Variants in PCDHA1 observed in about 807,000 individuals in gnomAD.
PCDHA1 encodes the protein protocadherin alpha 1.
Under a neutral mutation model 61.3 loss-of-function variants are expected in PCDHA1, and 42 were observed. That is an observed-to-expected ratio of 0.69 (90% CI 0.54 to 0.89). PCDHA1 has a LOEUF of 0.89. Ranked by LOEUF, PCDHA1 falls within the 40% of genes least tolerant of loss-of-function variation. The pLI, the probability that PCDHA1 is intolerant of heterozygous loss-of-function variation, is 0.00. For missense variants in PCDHA1, 1,256 were observed against 1,235.3 expected, an observed-to-expected ratio of 1.02 and a Z score of -0.25; for synonymous variants, 610 against 553.8, an observed-to-expected ratio of 1.10 and a Z score of -1.43.
intron 1 of PCDHA1, among the ~76,000 whole-genome samples, chr5:140,941,191 T>TTTCTTTCTTCCTTTCTTCC (rs1487503403): frequency 1.1e-5 from 1 of 93,258 alleles, no homozygotes; most frequent in African/African-American, 3.9e-5. Flanking sequence ...GCTTCTTTTT[T>TTTCTTTCTTCCTTTCTTCC]TTTCTTTCTT....
Position 140,857,156 on chromosome 5 carries a change from C to T in PCDHA1, c.2394+68472C>T, listed in dbSNP as rs782492965. The T allele has an allele frequency of 4.4e-5, 71 of 1,598,308 alleles. 2 individuals carry two copies. In the South Asian group the frequency reaches 7.7e-4, roughly 17 times the overall value. On this transcript the variant is annotated intron_variant, in intron 1 of 3. Transcript: ENST00000504120. ...TGCTCAAGTGGGCACCGTCATTGCC[C>T]TAATCAGCGTTTCTGACCATGATTC...
intron 1 of PCDHA1, chr5:140,796,927 G>C: frequency 6.2e-7 from 1 of 1,613,830 alleles, no homozygotes; most frequent in South Asian, 1.1e-5. Context: ...GAAGGACCAC[G>C]GCGAACCAGC....
intron 1 of PCDHA1, chr5:140,807,894 A>G (rs781785947): frequency 7.4e-6 from 12 of 1,614,012 alleles, no homozygotes; most frequent in Non-Finnish European, 1.0e-5. Context: ...CTGGATGCCA[A>G]TGACAATGCC....
intron 1 of PCDHA1, among the ~76,000 whole-genome samples, chr5:140,826,666 G>A (rs1554130619): frequency 6.6e-6 from 1 of 152,130 alleles, no homozygotes; most frequent in Non-Finnish European, 1.5e-5. Flanking sequence ...CAAGTAAATT[G>A]TAGACGTAAT....
chr5:140,979,615 A>G (rs965487699), intron 2 of PCDHA1, among the ~76,000 whole-genome samples: 1 of 152,258 alleles, frequency 6.6e-6, no homozygotes, highest in Non-Finnish European at 1.5e-5. Context: ...GAGTAACGGT[A>G]TTAGTCTAAG....
intron 1 of PCDHA1, chr5:140,804,151 A>G (rs1053300158): frequency 1.3e-5 from 2 of 152,448 alleles, no homozygotes; most frequent in African/African-American, 2.4e-5. Context: ...TGGAGTCTCA[A>G]TCCTTATTTT....
chr5:140,968,994 G>A lies in PCDHA1; in HGVS notation c.2395-9955G>A. 6.2e-7 allele frequency: 1 copy of A among 1,614,216 alleles called. No individual in the cohort carries two copies. The highest frequency in any genetic ancestry group is 8.5e-7 in the Non-Finnish European group (1 of 1,180,038). On this transcript the variant is annotated intron_variant, in intron 1 of 3. Transcript: ENST00000504120. ...ACTGCGTATGGCACTGCATGCTGTG[G>A]AGGCTTCTGTGGAGTAAGGGAAAGG...
At chr5:141,001,279 G>A (rs1317213469) in intron 3 of PCDHA1, among the ~76,000 whole-genome samples, 1 of 151,942 alleles carries the variant, frequency 6.6e-6, no homozygotes, top group African/African-American at 2.4e-5. Context: ...CTTTTTTTAC[G>A]GATGAAAACT....
intron 1 of PCDHA1, chr5:140,831,338 AATTT>A (rs1275067548): frequency 6.7e-6 from 1 of 149,500 alleles, no homozygotes; most frequent in East Asian, 2.0e-4. Context: ...TCTACACAGT[AATTT>A]AAACTATTCA....
chr5:140,852,121 TA>T, intron 1 of PCDHA1: 1 of 901,518 alleles, frequency 1.1e-6, no homozygotes, highest in Non-Finnish European at 1.4e-6. Context: ...ATGACCTAAT[TA>T]AAAACTCAGT....
intron 1 of PCDHA1, chr5:140,823,857 T>G (rs2150129771): frequency 6.2e-7 from 1 of 1,613,804 alleles, no homozygotes; most frequent in Admixed American, 1.7e-5. Context: ...CCCTGGTGGA[T>G]GTCAACGTGT....
At chr5:140,935,633 C>T (rs1316098876) in intron 1 of PCDHA1, among the ~76,000 whole-genome samples, 4 of 152,046 alleles carry the variant, frequency 2.6e-5, no homozygotes, top group African/African-American at 7.2e-5. Context: ...AAATTTAGGG[C>T]TTGCTTTTTA....
chr5:140,803,539 T>C (rs782740421), intron 1 of PCDHA1: 4 of 1,614,214 alleles, frequency 2.5e-6, no homozygotes, highest in East Asian at 2.2e-5. Context: ...CCTTGTCCAA[T>C]TAGCCGGGAT....
intron 1 of PCDHA1, among the ~76,000 whole-genome samples, chr5:140,948,446 G>A (rs1445406552): frequency 6.6e-6 from 1 of 151,446 alleles, no homozygotes; most frequent in Non-Finnish European, 1.5e-5. Flanking sequence ...CTGTGCCAGG[G>A]ATTTTCTTTT....
At chr5:140,790,494 C>G (rs1287765893) in intron 1 of PCDHA1, among the ~76,000 whole-genome samples, 2 of 152,170 alleles carry the variant, frequency 1.3e-5, no homozygotes, top group Non-Finnish European at 2.9e-5. Context: ...AAAAAATAGG[C>G]TGTAAACATG....
At chr5:140,869,765 A>G in intron 1 of PCDHA1, 1 of 1,613,282 alleles carries the variant, frequency 6.2e-7, no homozygotes, top group Non-Finnish European at 8.5e-7. Context: ...GGAAAACCAG[A>G]GCTTACTGGC....
chr5:140,863,469 G>T, intron 1 of PCDHA1: 3 of 498,172 alleles, frequency 6.0e-6, no homozygotes, highest in South Asian at 4.7e-5. Context: ...TTACTCTGGA[G>T]AGTCGCCTCC....
At chr5:140,821,920 C>A (rs1554128324) in intron 1 of PCDHA1, 7 of 1,614,120 alleles carry the variant, frequency 4.3e-6, no homozygotes, top group Non-Finnish European at 5.9e-6. Context: ...CCGCATCGCG[C>A]AGGACCTAGG....
intron 1 of PCDHA1, chr5:140,813,669 T>C (rs1239487603): frequency 6.6e-6 from 1 of 152,186 alleles, no homozygotes; most frequent in Non-Finnish European, 1.5e-5. Flanking sequence ...TAAAGCACTA[T>C]ACATTTAGGC....
Sources: gnomAD v4.1 joint callset for allele counts (sites outside exome capture counted in the v4.1 genomes callset) on GRCh38, gnomAD v4.1.1 for gene constraint, MANE v1.5 for transcripts, NCBI Gene and HGNC (gene_info 2026-07-23, HGNC 2026-07-21) for gene names.